EYS: variants seen among roughly 807,000 people sequenced by gnomAD.
EYS encodes the protein EGF-like photoreceptor maintenance factor.
In EYS, 250 loss-of-function variants were observed where a neutral mutation model predicts 282.1. The ratio of observed to expected loss-of-function variants is 0.89; its 90% CI spans 0.80 to 0.98. The LOEUF (loss-of-function observed/expected upper bound fraction) is 0.98. Ranked by LOEUF, EYS falls within the 50% of genes least tolerant of loss-of-function variation. The probability of loss-of-function intolerance (pLI) is 0.00; values close to 1 mark genes in which losing one functional copy is unlikely to be tolerated. For missense variants in EYS, 4,016 were observed against 3,709.0 expected (o/e 1.08, Z -2.15); for synonymous variants, 1,355 against 1,282.9 (o/e 1.06, Z -1.20).
intron 1 of EYS, among the ~76,000 whole-genome samples, chr6:65,673,608 T>A (rs540883945): frequency 1.3e-3 from 195 of 152,116 alleles, no homozygotes; most frequent in Non-Finnish European, 2.1e-3. Flanking sequence ...ATGAGGCGTG[T>A]TTTTAAAAGA....
At chr6:63,846,844 T>TA (rs967118772) in intron 36 of EYS, among the ~76,000 whole-genome samples, 16 of 152,020 alleles carry the variant, frequency 1.1e-4, no homozygotes, top group African/African-American at 3.4e-4. Context: ...TTGGGGTCAA[T>TA]AAAAAAAATT....
chr6:64,037,423 C>G (rs1770175082), intron 33 of EYS, among the ~76,000 whole-genome samples: 1 of 152,108 alleles, frequency 6.6e-6, no homozygotes, highest in Admixed American at 6.5e-5. Context: ...GAAAACCAGA[C>G]AAATGTATTT....
intron 29 of EYS, among the ~76,000 whole-genome samples, chr6:64,380,671 G>A (rs1199487389): frequency 6.6e-6 from 1 of 152,046 alleles, no homozygotes; most frequent in Non-Finnish European, 1.5e-5. Flanking sequence ...AAATTAAATT[G>A]CTATACACCA....
intron 31 of EYS, among the ~76,000 whole-genome samples, chr6:64,187,321 A>G (rs1300413426): frequency 6.6e-6 from 1 of 152,118 alleles, no homozygotes; most frequent in African/African-American, 2.4e-5. Context: ...TAAACCTTCT[A>G]ATGATGTCAC....
intron 5 of EYS, among the ~76,000 whole-genome samples, chr6:65,415,834 A>T (rs561401577): frequency 3.2e-4 from 49 of 152,192 alleles, no homozygotes; most frequent in African/African-American, 1.2e-3. Context: ...AAATGCACAC[A>T]TTAGAAAAAC....
At chr6:64,175,744 G>A (rs977308842) in intron 31 of EYS, among the ~76,000 whole-genome samples, 1 of 152,088 alleles carries the variant, frequency 6.6e-6, no homozygotes, top group East Asian at 1.9e-4. Flanking sequence ...AGTTTGTCAC[G>A]CAATCTCGGT....
chr6:65,170,215 C>T (rs377278133), intron 12 of EYS, among the ~76,000 whole-genome samples: 1 of 151,078 alleles, frequency 6.6e-6, no homozygotes, highest in East Asian at 2.0e-4. Flanking sequence ...GATGCACACA[C>T]GCGCGCGTGC....
chr6:65,190,285 G>T (rs1765610396), intron 12 of EYS, among the ~76,000 whole-genome samples: 1 of 146,982 alleles, frequency 6.8e-6, no homozygotes, highest in Non-Finnish European at 1.5e-5. Flanking sequence ...GTTATATAAA[G>T]TATTTTCATG....
chr6:64,206,824 A>T (rs886807765), intron 31 of EYS, among the ~76,000 whole-genome samples: 11 of 152,158 alleles, frequency 7.2e-5, no homozygotes, highest in South Asian at 4.1e-4. Flanking sequence ...TCCAAAAAAC[A>T]TGTTAATTTT....
intron 41 of EYS, among the ~76,000 whole-genome samples, chr6:63,759,105 G>GA (rs1180677175): frequency 6.6e-6 from 1 of 151,886 alleles, no homozygotes; most frequent in African/African-American, 2.4e-5. Flanking sequence ...GAATGGAAAT[G>GA]AAAAAAGAAC....
intron 4 of EYS, chr6:65,491,475 AT>A: frequency 2.9e-6 from 1 of 340,090 alleles, no homozygotes; most frequent in Admixed American, 3.7e-5. Flanking sequence ...TAAGCTCTTA[AT>A]TTAATTTATG....
intron 33 of EYS, among the ~76,000 whole-genome samples, chr6:64,038,550 C>T (rs1043993240): frequency 6.6e-6 from 1 of 151,778 alleles, no homozygotes; most frequent in Non-Finnish European, 1.5e-5. Flanking sequence ...AAATCCAGTA[C>T]TTCATTGTGC....
At chr6:64,016,003 G>C (rs1278045177) in intron 33 of EYS, among the ~76,000 whole-genome samples, 1 of 152,126 alleles carries the variant, frequency 6.6e-6, no homozygotes, top group African/African-American at 2.4e-5. Context: ...AACAAACAAA[G>C]GAACTATGTT....
rs1196742290 is a variant in EYS at position 65,642,475 on chromosome 6, C to T, written c.-447-2583G>A. ...TCAACAATTTGAATACGTTAGATTA[C>T]TGAAGCCTCCAGACTTTTAAAATTG... On this transcript the variant is annotated intron_variant, in intron 1 of 42. Transcript: ENST00000503581. Among the ~76,000 whole-genome samples, 24 of 152,214 alleles carry T rather than the reference C, an allele frequency of 1.6e-4. No individual in the cohort carries two copies. The East Asian group carries it at 4.5e-3, about 28-fold the overall frequency.
At chr6:64,658,602 A>G (rs1337047797) in intron 22 of EYS, among the ~76,000 whole-genome samples, 1 of 152,078 alleles carries the variant, frequency 6.6e-6, no homozygotes, top group African/African-American at 2.4e-5. Context: ...GGTCTGTTGG[A>G]GTTTGCTGGA....
At chr6:64,463,644 A>G (rs1265160063) in intron 26 of EYS, among the ~76,000 whole-genome samples, 1 of 152,240 alleles carries the variant, frequency 6.6e-6, no homozygotes, top group African/African-American at 2.4e-5. Flanking sequence ...ATATAAGAGC[A>G]CAAGAAGATA....
chr6:65,447,367 T>TAC (rs1474076627), intron 5 of EYS, among the ~76,000 whole-genome samples: 6 of 147,024 alleles, frequency 4.1e-5, no homozygotes, highest in African/African-American at 1.2e-4. Flanking sequence ...TATAGTTATA[T>TAC]ATATAAATAT....
chr6:64,453,613 T>C (rs1775447316), intron 26 of EYS, among the ~76,000 whole-genome samples: 1 of 152,214 alleles, frequency 6.6e-6, no homozygotes, highest in Admixed American at 6.5e-5. Context: ...AACCCAAATG[T>C]CCAACAATGA....
At chr6:65,378,267 A>C (rs879992029) in intron 8 of EYS, among the ~76,000 whole-genome samples, 2 of 152,230 alleles carry the variant, frequency 1.3e-5, no homozygotes, top group African/African-American at 4.8e-5. Flanking sequence ...TTATGCAGTC[A>C]ACAAACATAT....
Sources: allele counts gnomAD v4.1 joint callset (sites outside exome capture counted in the v4.1 genomes callset), GRCh38; gene constraint gnomAD v4.1.1; transcripts MANE v1.5; gene names NCBI Gene and HGNC (gene_info 2026-07-23, HGNC 2026-07-21).